Variants in SGPP2 observed in about 807,000 individuals in gnomAD.
The protein encoded by SGPP2 is sphingosine 1-phosphate phosphohydrolase 2.
SGPP2 carries 30 observed loss-of-function variants against 33.9 expected under a neutral mutation model. The observed-to-expected ratio is 0.89, with a 90% CI of 0.66 to 1.20. The LOEUF (loss-of-function observed/expected upper bound fraction) is 1.20. Among genes scored for constraint, SGPP2 ranks in the 50% most tolerant of loss-of-function variants. The pLI is 0.00. For synonymous variants in SGPP2, 233 were observed against 225.0 expected, an observed-to-expected ratio of 1.04 and a Z score of -0.32; for missense variants, 458 against 532.1, an observed-to-expected ratio of 0.86 and a Z score of 1.37.
intron 2 of SGPP2, among the ~76,000 whole-genome samples, chr2:222,487,486 A>C (rs1698129430): frequency 6.6e-6 from 1 of 152,206 alleles, no homozygotes; most frequent in Non-Finnish European, 1.5e-5. Flanking sequence ...TTTTATGATG[A>C]TAAAAATACT....
At position 222,424,831 on chromosome 2, in the gene SGPP2, G is replaced by A; in HGVS notation, c.219+10G>A. 7.4e-7 allele frequency: 1 copy of A among 1,345,468 alleles called. No individual in the cohort carries two copies. Among genetic ancestry groups the A allele is most frequent in the Non-Finnish European group, 9.5e-7 (1 of 1,050,974 alleles). 83.3% of individuals were successfully genotyped at this position (1,345,468 alleles called of 1,614,324 possible). On this transcript the variant is annotated intron_variant, in intron 1 of 4. Transcript: ENST00000321276. Reference sequence around the variant, plus strand: ...AGCCGCGGCGCCGGAGGTAACCATGGGCAGGTGTTCGCCGGGTACGGGGAG... The same window carrying A: ...AGCCGCGGCGCCGGAGGTAACCATGAGCAGGTGTTCGCCGGGTACGGGGAG...
intron 3 of SGPP2, among the ~76,000 whole-genome samples, chr2:222,524,096 G>A (rs1400269510): frequency 5.3e-5 from 8 of 152,180 alleles, no homozygotes; most frequent in Non-Finnish European, 7.3e-5. Context: ...TGAGGGGAAA[G>A]TGCCTTTATG....
chr2:222,469,042 C>G (rs1418277081), intron 1 of SGPP2, among the ~76,000 whole-genome samples: 1 of 152,112 alleles, frequency 6.6e-6, no homozygotes, highest in Admixed American at 6.5e-5. Flanking sequence ...AAATAAGAGC[C>G]TCTCATGAGG....
At chr2:222,426,937 T>C (rs1697080259) in intron 1 of SGPP2, among the ~76,000 whole-genome samples, 1 of 152,220 alleles carries the variant, frequency 6.6e-6, no homozygotes, top group South Asian at 2.1e-4. Flanking sequence ...GCCTGTCTTT[T>C]CTCTAAATAT....
intron 2 of SGPP2, among the ~76,000 whole-genome samples, chr2:222,502,393 T>G (rs1698381032): frequency 6.6e-6 from 1 of 152,236 alleles, no homozygotes; most frequent in Non-Finnish European, 1.5e-5. Flanking sequence ...TGAGTATCCC[T>G]TATTCAAAAT....
intron 2 of SGPP2, among the ~76,000 whole-genome samples, chr2:222,510,673 G>A (rs994450052): frequency 6.6e-6 from 1 of 152,266 alleles, no homozygotes; most frequent in East Asian, 1.9e-4. Context: ...TTGGTGCTCC[G>A]TTCATCCTGC....
intron 2 of SGPP2, chr2:222,504,334 G>A (rs1260729808): frequency 1.3e-5 from 2 of 152,266 alleles, no homozygotes; most frequent in African/African-American, 4.8e-5. Context: ...GGCGTGGACT[G>A]TGGTCTGAGA....
intron 1 of SGPP2, among the ~76,000 whole-genome samples, chr2:222,450,709 C>T (rs559928726): frequency 2.6e-5 from 4 of 152,290 alleles, no homozygotes; most frequent in East Asian, 1.9e-4. Context: ...GGTTCTACCT[C>T]GGATGCCACA....
chr2:222,474,815 T>A, intron 2 of SGPP2, 89 bp downstream of exon 2: 50 of 12,864 alleles, frequency 3.9e-3, no homozygotes, highest in Non-Finnish European at 4.9e-3. Context: ...ATGTTCTTTC[T>A]TTTTTTTTTT....
At chr2:222,493,399 G>A (rs895697463) in intron 2 of SGPP2, among the ~76,000 whole-genome samples, 3 of 152,198 alleles carry the variant, frequency 2.0e-5, no homozygotes, top group African/African-American at 7.2e-5. Context: ...CACGAGAACA[G>A]CATGGGGGAA....
At chr2:222,496,680 C>T (rs937906686) in intron 2 of SGPP2, among the ~76,000 whole-genome samples, 4 of 152,184 alleles carry the variant, frequency 2.6e-5, no homozygotes, top group Non-Finnish European at 5.9e-5. Context: ...GTGAGACCCC[C>T]CCGCCATGCC....
chr2:222,478,071 G>C (rs1006660623), intron 2 of SGPP2, among the ~76,000 whole-genome samples: 10 of 151,988 alleles, frequency 6.6e-5, no homozygotes, highest in Admixed American at 2.0e-4. Flanking sequence ...AAGGAAGTGT[G>C]AGAAGCGTAA....
chr2:222,530,480 A>C (rs1386954088), intron 4 of SGPP2, among the ~76,000 whole-genome samples: 2 of 152,196 alleles, frequency 1.3e-5, no homozygotes, highest in Non-Finnish European at 2.9e-5. Flanking sequence ...TTGCTGCTTT[A>C]CCTTGCACAT....
At chr2:222,541,789 T>G (rs1559174557) in intron 4 of SGPP2, among the ~76,000 whole-genome samples, 1 of 151,794 alleles carries the variant, frequency 6.6e-6, no homozygotes, top group African/African-American at 2.4e-5. Context: ...AATTTTTGTA[T>G]TTTTAGTAGA....
rs1310398607 is a variant in SGPP2 at position 222,474,722 on chromosome 2, G to A, written c.374G>A (p.Trp125Ter). ...PYLSRRLIIIWVLVMYIGQVA... is the reference protein window; with the variant it reads ...PYLSRRLIII The stretch of plus-strand genomic sequence containing the variant: ...TTATCCAGAAGATTGATCATCATAT[G>A]GGTTGTAAGTATTATTACTACTCAT... Residue 125 changes from tryptophan to a stop codon, truncating the protein, a stop_gained, in exon 2 of 5, where the codon TGG becomes TAG. Coordinates refer to ENST00000321276, the MANE Select transcript of SGPP2 (RefSeq NM_152386.4). LOFTEE classifies it high-confidence loss of function. The A allele has an allele frequency of 1.2e-6, 2 of 1,612,160 alleles. No homozygotes were observed. Among genetic ancestry groups the A allele is most frequent in the Admixed American group, 3.3e-5 (2 of 59,938 alleles).
intron 2 of SGPP2, among the ~76,000 whole-genome samples, chr2:222,519,207 T>C (rs1272873218): frequency 6.6e-6 from 1 of 152,234 alleles, no homozygotes; most frequent in Non-Finnish European, 1.5e-5. Context: ...GAGGACTATA[T>C]AGTGCGGTGC....
intron 4 of SGPP2, among the ~76,000 whole-genome samples, chr2:222,541,052 C>T (rs998537259): frequency 7.2e-5 from 11 of 152,144 alleles, no homozygotes; most frequent in African/African-American, 2.7e-4. Flanking sequence ...CTCCTGACCT[C>T]GTGATCCACC....
intron 1 of SGPP2, among the ~76,000 whole-genome samples, chr2:222,458,610 C>T (rs76197566): frequency 6.6e-6 from 1 of 152,038 alleles, no homozygotes; most frequent in Non-Finnish European, 1.5e-5. Context: ...CCGAGGCTTC[C>T]GAGTGCTTTT....
intron 2 of SGPP2, 79 bp downstream of exon 2, chr2:222,474,805 A>C: frequency 9.1e-7 from 1 of 1,104,774 alleles, no homozygotes; most frequent in Non-Finnish European, 1.2e-6. Flanking sequence ...CTTTGCAAAT[A>C]TGTTCTTTCT....
Sources: gnomAD v4.1 joint callset for allele counts (sites outside exome capture counted in the v4.1 genomes callset) on GRCh38, gnomAD v4.1.1 for gene constraint, MANE v1.5 for transcripts, NCBI Gene and HGNC (gene_info 2026-07-23, HGNC 2026-07-21) for gene names.